The following MBD5 variants were observed in gnomAD, a reference collection of about 807,000 sequenced individuals.
The protein encoded by MBD5 is methyl-CpG-binding domain protein 5.
In MBD5, 13 loss-of-function variants were observed where a neutral mutation model predicts 117.3. The observed-to-expected ratio is 0.11, with a 90% CI of 0.07 to 0.18. MBD5 has a LOEUF of 0.18. Ranked by LOEUF, MBD5 falls within the 10% of genes least tolerant of loss-of-function variation. The pLI is 1.00. For missense variants in MBD5, 1,879 were observed against 2,093.8 expected (o/e 0.90, Z 2.00); for synonymous variants, 727 against 766.4 (o/e 0.95, Z 0.85).
intron 4 of MBD5, among the ~76,000 whole-genome samples, chr2:148,367,558 A>C (rs915800671): frequency 6.6e-6 from 1 of 152,212 alleles, no homozygotes; most frequent in Non-Finnish European, 1.5e-5. Flanking sequence ...GAATGGGAGA[A>C]AATTTTTGCA....
At chr2:148,111,204 T>C (rs962772806) in intron 1 of MBD5, among the ~76,000 whole-genome samples, 7 of 152,172 alleles carry the variant, frequency 4.6e-5, no homozygotes, top group African/African-American at 9.6e-5. Context: ...CTGGCAGATA[T>C]TGTCTTAGCC....
intron 4 of MBD5, among the ~76,000 whole-genome samples, chr2:148,359,028 G>A (rs546209910): frequency 1.3e-5 from 2 of 151,998 alleles, no homozygotes; most frequent in South Asian, 2.1e-4. Flanking sequence ...TTGGGAGGCC[G>A]AGGCACATGG....
intron 4 of MBD5, among the ~76,000 whole-genome samples, chr2:148,361,768 A>AG (rs1329053101): frequency 6.6e-6 from 1 of 152,240 alleles, no homozygotes; most frequent in African/African-American, 2.4e-5. Context: ...TGCAGCTCCC[A>AG]GCGAGATCAA....
At chr2:148,181,129 G>A (rs370827657) in intron 2 of MBD5, among the ~76,000 whole-genome samples, 22 of 152,166 alleles carry the variant, frequency 1.4e-4, no homozygotes, top group Non-Finnish European at 2.9e-4. Context: ...AAGTGATTTC[G>A]TGCTGTGTAT....
rs145070598 is a variant in MBD5 at position 148,473,558 on chromosome 2, G to C, written c.2518+3097G>C. 3.9e-3 allele frequency among the ~76,000 whole-genome samples: 601 copies of C among 152,212 alleles called. 4 individuals carry two copies. The highest frequency in any genetic ancestry group is 0.014 in the African/African-American group (562 of 41,564). On this transcript the variant is annotated intron_variant, in intron 8 of 13. Coordinates refer to ENST00000642680, the MANE Select transcript of MBD5 (RefSeq NM_001378120.1). The stretch of plus-strand genomic sequence containing the variant: ...AAATATTACATTAAGACATTAACAA[G>C]ATAAGAAATAACTTTCTCTGAAAAA...
At chr2:148,226,639 G>T (rs1220789156) in intron 2 of MBD5, among the ~76,000 whole-genome samples, 1 of 152,108 alleles carries the variant, frequency 6.6e-6, no homozygotes, top group African/African-American at 2.4e-5. Flanking sequence ...GTAATGGGAT[G>T]GCTGGGTCAA....
chr2:148,323,185 T>TA (rs1702337452), intron 3 of MBD5, among the ~76,000 whole-genome samples: 1 of 152,122 alleles, frequency 6.6e-6, no homozygotes, highest in Admixed American at 6.5e-5. Flanking sequence ...TCATCATTTT[T>TA]TATGGCTGCA....
intron 11 of MBD5, 126 bp downstream of exon 11, chr2:148,490,720 C>A: frequency 8.4e-7 from 1 of 1,194,248 alleles, no homozygotes. Context: ...ATTGAGGTCT[C>A]ACAAGCTTCT....
chr2:148,396,046 C>A (rs556478278), intron 4 of MBD5, among the ~76,000 whole-genome samples: 37 of 152,242 alleles, frequency 2.4e-4, no homozygotes, highest in African/African-American at 8.7e-4. Context: ...CTTCTTTTCC[C>A]CTCATCCATT....
intron 2 of MBD5, among the ~76,000 whole-genome samples, chr2:148,215,553 C>T (rs905290155): frequency 1.3e-5 from 2 of 151,518 alleles, no homozygotes; most frequent in East Asian, 1.9e-4. Flanking sequence ...GGTTTTTTTT[C>T]GAGACAAGGT....
chr2:148,489,264 T>TCC, intron 10 of MBD5, 122 bp from the exon 11 acceptor site: 2 of 1,230,722 alleles, frequency 1.6e-6, no homozygotes, highest in Admixed American at 4.0e-5. Flanking sequence ...GTCTTGTTCT[T>TCC]TATATTTCCT....
At chr2:148,392,821 C>T (rs1334428816) in intron 4 of MBD5, among the ~76,000 whole-genome samples, 1 of 152,124 alleles carries the variant, frequency 6.6e-6, no homozygotes, top group Non-Finnish European at 1.5e-5. Flanking sequence ...AAATCGGACC[C>T]ATTCTTAATA....
chr2:148,135,311 T>C (rs2105494884), intron 1 of MBD5, among the ~76,000 whole-genome samples: 1 of 152,312 alleles, frequency 6.6e-6, no homozygotes, highest in East Asian at 1.9e-4. Flanking sequence ...TGTTACTTCT[T>C]TTTTCCTAAT....
intron 4 of MBD5, among the ~76,000 whole-genome samples, chr2:148,426,653 A>C (rs1462144292): frequency 2.0e-5 from 3 of 152,316 alleles, no homozygotes; most frequent in South Asian, 2.1e-4. Flanking sequence ...AAATTAATTC[A>C]AGATGGATTA....
chr2:148,029,565 T>A (rs1168668054), intron 1 of MBD5, among the ~76,000 whole-genome samples: 1 of 152,224 alleles, frequency 6.6e-6, no homozygotes, highest in Non-Finnish European at 1.5e-5. Context: ...TTAAGTATTT[T>A]GGTAAATTGT....
chr2:148,312,302 T>A (rs898720004), intron 3 of MBD5, among the ~76,000 whole-genome samples: 2 of 152,238 alleles, frequency 1.3e-5, no homozygotes, highest in Non-Finnish European at 1.5e-5. Flanking sequence ...AACGCAGGTT[T>A]GGTCTTTTCA....
chr2:148,356,982 T>C (rs1457875048), intron 4 of MBD5, among the ~76,000 whole-genome samples: 1 of 152,186 alleles, frequency 6.6e-6, no homozygotes, highest in Non-Finnish European at 1.5e-5. Flanking sequence ...TTTTTAAATT[T>C]TTATGTTTGA....
intron 3 of MBD5, chr2:148,296,755 C>T (rs1701660162): frequency 6.6e-6 from 1 of 151,842 alleles, no homozygotes; most frequent in Admixed American, 6.6e-5. Flanking sequence ...CACCATTGCC[C>T]AATTTTTTTT....
At chr2:148,255,510 G>C (rs570378822) in intron 3 of MBD5, among the ~76,000 whole-genome samples, 7 of 152,320 alleles carry the variant, frequency 4.6e-5, no homozygotes, top group African/African-American at 1.7e-4. Context: ...GGGGTGCTTG[G>C]AGGGTCCATG....
Sources: gnomAD v4.1 joint callset for allele counts (sites outside exome capture counted in the v4.1 genomes callset) on GRCh38, gnomAD v4.1.1 for gene constraint, MANE v1.5 for transcripts, NCBI Gene and HGNC (gene_info 2026-07-23, HGNC 2026-07-21) for gene names.